AKR1B10: variants seen among roughly 807,000 people sequenced by gnomAD.
AKR1B10 encodes the protein aldo-keto reductase family 1 member B10.
In AKR1B10, 39 loss-of-function variants were observed where a neutral mutation model predicts 38.9. That is an observed-to-expected ratio of 1.00 (90% confidence interval 0.78 to 1.31). The LOEUF is 1.31. Ranked by LOEUF, AKR1B10 falls within the 50% of genes most tolerant of loss-of-function variation. The pLI is 0.00. For missense variants in AKR1B10, 361 were observed against 382.6 expected (o/e 0.94, Z 0.47); for synonymous variants, 148 against 141.2 (o/e 1.05, Z -0.34).
At chr7:134,530,572 C>A in intron 1 of AKR1B10, 71 bp from the exon 2 acceptor site, 1 of 1,571,414 alleles carries the variant, frequency 6.4e-7, no homozygotes, top group African/African-American at 1.4e-5. Context: ...TGAGGCCAGC[C>A]TGGGCAACAC....
Position 134,533,109 on chromosome 7 carries a change from C to T in AKR1B10, c.429+28C>T, listed in dbSNP as rs373202658. The T allele has an allele frequency of 1.4e-5, 21 of 1,547,062 alleles. No individual in the cohort carries two copies. The African/African-American group carries it at 2.5e-4, about 19-fold the overall frequency. The stretch of plus-strand genomic sequence containing the variant: ...AGGTTCCCAGCTTCCTCTAAGTGTG[C>T]TGGGAGAGAAATCTTCAGTTATCCA... On this transcript the variant is annotated intron_variant, in intron 4 of 9. Transcript: ENST00000359579.
At chr7:134,532,603 C>T (rs1489797122) in intron 3 of AKR1B10, among the ~76,000 whole-genome samples, 2 of 152,116 alleles carry the variant, frequency 1.3e-5, no homozygotes, top group Admixed American at 6.5e-5. Context: ...CCTAATTCCA[C>T]GCCTCTTCTA....
rs1479059327 is a variant in AKR1B10 at position 134,537,109 on chromosome 7, G to T, written c.611G>T (p.Gly204Val). The T allele has an allele frequency of 6.3e-7, 1 of 1,596,820 alleles. No individual in the cohort carries two copies. Among genetic ancestry groups the T allele is most frequent in the Non-Finnish European group, 8.5e-7 (1 of 1,171,408 alleles). ...CTGATCCAGTACTGCCACTCCAAGG[G>T]CATCACCGTTACGGCCTACAGCCCC... ...EKLIQYCHSK[G>V]ITVTAYSPLG... The change falls in exon 6 of 10, where the codon GGC becomes GTC. Residue 204 changes from glycine to valine, a missense_variant. Transcript: ENST00000359579.
chr7:134,541,035 T>G lies in AKR1B10; in HGVS notation c.909-12T>G, dbSNP rs758892521. 21 of 1,564,254 alleles carry G rather than the reference T, an allele frequency of 1.3e-5. No individual in the cohort carries two copies. The highest frequency in any genetic ancestry group is 1.8e-5 in the Non-Finnish European group (20 of 1,137,972). ...CAGTTTCTCTGTTTTTGTTTTTTGT[T>G]CTTTCCTGCAGATCCTCTCATTTGG... is the stretch of plus-strand genomic sequence containing the variant. On this transcript the variant is annotated splice_polypyrimidine_tract_variant and intron_variant, in intron 9 of 9. Transcript: ENST00000359579.
At position 134,530,671 on chromosome 7, in the gene AKR1B10, T is replaced by C. The variant is rs1807826471; in HGVS notation, c.95T>C (p.Val32Ala). 3 of 1,614,048 alleles carry C rather than the reference T, an allele frequency of 1.9e-6. No homozygotes were observed. The highest frequency in any genetic ancestry group is 2.5e-6 in the Non-Finnish European group (3 of 1,179,950). The change falls in exon 2 of 10, where the codon GTG (valine) becomes GCG (alanine). Residue 32 changes from valine to alanine, a missense_variant. By Grantham distance (64) the Val-to-Ala change is moderately conservative. Around this residue, in one of 3 missense-constraint regions of AKR1B10, gnomAD observed 220 missense variants for 216.1 expected, o/e 1.02. Coordinates refer to ENST00000359579, the MANE Select transcript of AKR1B10 (RefSeq NM_020299.5). ...KSPLGKVKEA[V>A]KVAIDAGYRH... ...CCTCTTGGCAAAGTGAAAGAAGCAG[T>C]GAAGGTGGCCATTGATGCAGGATAT...
rs762021185 is a variant in AKR1B10 at position 134,533,049 on chromosome 7, G to A, written c.397G>A (p.Gly133Ser). 1.9e-5 allele frequency: 30 copies of A among 1,599,016 alleles called. No individual in the cohort carries two copies. Among genetic ancestry groups the A allele is most frequent in the Admixed American group, 3.5e-5 (2 of 56,704 alleles). The change falls in exon 4 of 10, where the codon GGT (glycine) becomes AGT (serine). Residue 133 changes from glycine (G) to serine (S), a missense_variant. Around this residue, in one of 3 missense-constraint regions of AKR1B10, gnomAD observed 220 missense variants for 216.1 expected, o/e 1.02. Transcript: ENST00000359579. ...FPKDDKGNAI[G>S]GKATFLDAWE... The stretch of plus-strand genomic sequence containing the variant: ...CAAAGATGATAAAGGTAATGCCATC[G>A]GTGGAAAAGCAACGTTCTTGGATGC...
At chr7:134,540,607 C>T (rs1585759621) in intron 9 of AKR1B10, among the ~76,000 whole-genome samples, 1 of 152,190 alleles carries the variant, frequency 6.6e-6, no homozygotes, top group East Asian at 1.9e-4. Flanking sequence ...GATGATAATA[C>T]TAATCGCAGC....
chr7:134,539,032 G>A lies in AKR1B10; in HGVS notation c.908+15G>A. ...AACGTGTTGCAGTAAGTGGCATGGA[G>A]TTAACTAGAAGCATTGCCAGGAGTT... On this transcript the variant is annotated intron_variant, in intron 9 of 9. Transcript: ENST00000359579. The A allele has an allele frequency of 6.2e-7, 1 of 1,613,982 alleles. No individual in the cohort carries two copies. The highest frequency in any genetic ancestry group is 8.5e-7 in the Non-Finnish European group (1 of 1,179,890).
intron 4 of AKR1B10, among the ~76,000 whole-genome samples, chr7:134,534,694 C>T (rs1269318548): frequency 2.0e-5 from 3 of 152,130 alleles, no homozygotes; most frequent in Non-Finnish European, 4.4e-5. Flanking sequence ...CACATTGAAG[C>T]AGAGAGGAGG....
rs141404614 is a variant in AKR1B10, at chr7:134,530,534, G to T, written c.67-109G>T. The T allele has an allele frequency of 8.0e-5, 95 of 1,187,892 alleles. No homozygotes were observed. In the African/African-American group the frequency reaches 1.3e-3, roughly 16 times the overall value. The allele number at this position is 1,187,892 out of a possible 1,614,324, so 73.6% of individuals were successfully genotyped here. On this transcript the variant is annotated intron_variant, in intron 1 of 9. Transcript: ENST00000359579. Reference sequence around the variant, plus strand: ...TGGTGTAATTCCAGCTACTCGGGAGGTGGGAGGGTTGCTTGAACCTGGGAG... The same window carrying T: ...TGGTGTAATTCCAGCTACTCGGGAGTTGGGAGGGTTGCTTGAACCTGGGAG...
At chr7:134,532,978 G>A in intron 3 of AKR1B10, 26 bp from the exon 4 acceptor site, 2 of 1,590,838 alleles carry the variant, frequency 1.3e-6, no homozygotes, top group East Asian at 2.3e-5. Flanking sequence ...GCAGATTCCA[G>A]TAAACTTTTC....
Position 134,537,675 on chromosome 7 carries a change from AT to A in AKR1B10, c.741+19del. ...ACCGCAGCCCAGGTGCCATATTTTTATTTTTCTTGTTATCCAACAACTCATT... is the reference window on the plus strand; with the variant it reads ...ACCGCAGCCCAGGTGCCATATTTTTATTTTCTTGTTATCCAACAACTCATT... On this transcript the variant is annotated intron_variant, in intron 7 of 9. Coordinates refer to ENST00000359579, the MANE Select transcript of AKR1B10 (RefSeq NM_020299.5). The A allele has an allele frequency of 6.2e-7, 1 of 1,613,634 alleles. No individual in the cohort carries two copies. Among genetic ancestry groups the A allele is most frequent in the South Asian group, 1.1e-5 (1 of 91,066 alleles).
chr7:134,534,600 C>T (rs906972960), intron 4 of AKR1B10, among the ~76,000 whole-genome samples: 1 of 152,174 alleles, frequency 6.6e-6, no homozygotes, highest in Non-Finnish European at 1.5e-5. Flanking sequence ...ATCAGAGGCT[C>T]TGATTTGAAA....
intron 3 of AKR1B10, among the ~76,000 whole-genome samples, chr7:134,532,724 G>T (rs1487375811): frequency 6.6e-6 from 1 of 152,154 alleles, no homozygotes; most frequent in African/African-American, 2.4e-5. Flanking sequence ...GTTGTATATG[G>T]GATCTAGGTG....
At chr7:134,532,943 G>T in intron 3 of AKR1B10, 61 bp from the exon 4 acceptor site, 1 of 1,457,864 alleles carries the variant, frequency 6.9e-7, no homozygotes. Flanking sequence ...CTGAAACCTT[G>T]TTGAACAGAA....
Position 134,527,801 on chromosome 7 carries a change from G to A in AKR1B10, c.-111G>A, listed in dbSNP as rs1327415308. On this transcript the variant is annotated 5_prime_UTR_variant, in exon 1 of 10. Coordinates refer to ENST00000359579, the MANE Select transcript of AKR1B10 (RefSeq NM_020299.5). ...ACAGAGGTTGTAGTGAGCTGAGATC[G>A]CACCACTGCACTCTAGCCTTGGCAA... The A allele has an allele frequency of 2.4e-5, 35 of 1,488,584 alleles. No homozygotes were observed. The highest frequency in any genetic ancestry group is 7.2e-5 in the South Asian group (6 of 82,928). 92.2% of individuals were successfully genotyped at this position (1,488,584 alleles called of 1,614,324 possible).
chr7:134,538,411 C>T, intron 8 of AKR1B10, 134 bp downstream of exon 8: 1 of 903,580 alleles, frequency 1.1e-6, no homozygotes, highest in Non-Finnish European at 1.7e-6. Flanking sequence ...CATTTTCCAG[C>T]CCAGGGAGCT....
intron 9 of AKR1B10, among the ~76,000 whole-genome samples, chr7:134,539,573 T>C (rs1002782018): frequency 8.5e-5 from 13 of 152,052 alleles, no homozygotes; most frequent in African/African-American, 2.9e-4. Flanking sequence ...CATATGCATA[T>C]TTGGGGGAAG....
At position 134,531,989 on chromosome 7, in the gene AKR1B10, G is replaced by T. The variant is rs563657501; in HGVS notation, c.316G>T (p.Asp106Tyr). 14 of 1,614,132 alleles carry T rather than the reference G, an allele frequency of 8.7e-6. No individual in the cohort carries two copies. Among genetic ancestry groups the T allele is most frequent in the African/African-American group, 5.3e-5 (4 of 75,048 alleles). ...CAAGGACCTGAAGCTGAGCTATCTGGACGTCTATCTTATTCACTGGCCACA... is the reference window on the plus strand; with the variant it reads ...CAAGGACCTGAAGCTGAGCTATCTGTACGTCTATCTTATTCACTGGCCACA... ...TLKDLKLSYL[D>Y]VYLIHWPQGF... Residue 106 changes from aspartate (D) to tyrosine (Y), a missense_variant, in exon 3 of 10, where the codon GAC becomes TAC. Asp to Tyr is a radical substitution (Grantham distance 160, BLOSUM62 -3). Coordinates refer to ENST00000359579, the MANE Select transcript of AKR1B10 (RefSeq NM_020299.5).
Sources: allele counts gnomAD v4.1 joint callset (sites outside exome capture counted in the v4.1 genomes callset), GRCh38; gene constraint gnomAD v4.1.1; regional missense constraint gnomAD v4.1.1; transcripts MANE v1.5; gene names NCBI Gene and HGNC (gene_info 2026-07-23, HGNC 2026-07-21).